Variants in COL5A2 observed in about 807,000 individuals in gnomAD.
The protein encoded by COL5A2 is collagen type V alpha 2 chain.
In COL5A2, 23 loss-of-function variants were observed where a neutral mutation model predicts 208.2. The observed-to-expected ratio is 0.11, with a 90% CI of 0.08 to 0.16. The LOEUF (loss-of-function observed/expected upper bound fraction) is 0.16. COL5A2 is among the 10% of genes least tolerant of loss of function. The pLI is 1.00. For synonymous variants in COL5A2, 625 were observed against 628.5 expected (o/e 0.99, Z 0.08); for missense variants, 1,590 against 1,956.4 (o/e 0.81, Z 3.53).
the COL5A2 span, among the ~76,000 whole-genome samples, chr2:189,422,740 C>T: frequency 1.3e-5 from 2 of 152,062 alleles, no homozygotes; most frequent in African/African-American, 4.8e-5. Flanking sequence ...AAAATTCACC[C>T]AAGGCCAGGC....
chr2:189,324,755 G>A, the COL5A2 span, among the ~76,000 whole-genome samples: 1 of 152,220 alleles, frequency 6.6e-6, no homozygotes, highest in Admixed American at 6.5e-5. Context: ...GGAAGACAGT[G>A]TGGTGATTCC....
chr2:189,264,045 A>G, the COL5A2 span, among the ~76,000 whole-genome samples: 2 of 152,304 alleles, frequency 1.3e-5, no homozygotes, highest in African/African-American at 4.8e-5. Context: ...TATAAAGAAA[A>G]TAAATTGAAA....
chr2:189,361,180 C>T, the COL5A2 span, among the ~76,000 whole-genome samples: 1 of 152,016 alleles, frequency 6.6e-6, no homozygotes, highest in Admixed American at 6.6e-5. Flanking sequence ...TCCCTCTGGA[C>T]AATCTGTCCA....
At chr2:189,163,589 C>A (rs1440759439) in intron 1 of COL5A2, among the ~76,000 whole-genome samples, 1 of 152,122 alleles carries the variant, frequency 6.6e-6, no homozygotes, top group African/African-American at 2.4e-5. Context: ...TATTTAGGGA[C>A]ATAACTACAA....
At chr2:189,151,312 G>T (rs942952734) in intron 1 of COL5A2, among the ~76,000 whole-genome samples, 1 of 152,052 alleles carries the variant, frequency 6.6e-6, no homozygotes, top group Admixed American at 6.6e-5. Context: ...ATGGCAAATG[G>T]TGTTATAGTA....
chr2:189,080,125 T>C (rs1686498921), intron 13 of COL5A2, 94 bp from the exon 14 acceptor site: 1 of 861,326 alleles, frequency 1.2e-6, no homozygotes, highest in Admixed American at 2.1e-5. Flanking sequence ...AATTGCCTTA[T>C]AAAAATGAAT....
At chr2:189,237,372 T>C in the COL5A2 span, among the ~76,000 whole-genome samples, 3 of 147,802 alleles carry the variant, frequency 2.0e-5, no homozygotes, top group African/African-American at 7.3e-5. Flanking sequence ...AATAAGGTCT[T>C]AGAAATGATA....
the COL5A2 span, among the ~76,000 whole-genome samples, chr2:189,258,481 C>T: frequency 1.3e-5 from 2 of 152,256 alleles, no homozygotes; most frequent in Non-Finnish European, 2.9e-5. Flanking sequence ...AACATCTGAT[C>T]ATTTTATTAG....
At chr2:189,337,836 A>T in the COL5A2 span, among the ~76,000 whole-genome samples, 3 of 135,378 alleles carry the variant, frequency 2.2e-5, no homozygotes, top group African/African-American at 5.4e-5. Context: ...AAAAAAAAAA[A>T]TGGTTTTGGA....
At chr2:189,390,043 C>A in the COL5A2 span, among the ~76,000 whole-genome samples, 1 of 152,058 alleles carries the variant, frequency 6.6e-6, no homozygotes, top group Non-Finnish European at 1.5e-5. Context: ...AACAAAATGA[C>A]TGAGCCCTAG....
chr2:189,382,131 C>A, the COL5A2 span, among the ~76,000 whole-genome samples: 5 of 152,076 alleles, frequency 3.3e-5, no homozygotes, highest in Non-Finnish European at 5.9e-5. Flanking sequence ...TTAAACTGTT[C>A]ATTTTAATAA....
the COL5A2 span, among the ~76,000 whole-genome samples, chr2:189,304,288 T>C: frequency 6.6e-6 from 1 of 152,220 alleles, no homozygotes; most frequent in Non-Finnish European, 1.5e-5. Context: ...CTCATTTTTT[T>C]ACCTTGTCAC....
the COL5A2 span, among the ~76,000 whole-genome samples, chr2:189,323,525 T>C: frequency 4.6e-5 from 7 of 151,914 alleles, no homozygotes; most frequent in Non-Finnish European, 7.4e-5. Flanking sequence ...TATACACCAA[T>C]AACAGACAAA....
At chr2:189,164,170 C>A (rs1052088024) in intron 1 of COL5A2, among the ~76,000 whole-genome samples, 4 of 152,044 alleles carry the variant, frequency 2.6e-5, no homozygotes, top group Non-Finnish European at 4.4e-5. Flanking sequence ...ACCTTCTGAC[C>A]CAGAGAAAAG....
Position 189,066,793 on chromosome 2 carries a change from T to A in COL5A2, c.1402-11A>T, listed in dbSNP as rs1686162204. ...AACTCCTGGATCACCCTGAAAAAAA[T>A]ATATTGATATTTGTAAGAACCAGGA... On this transcript the variant is annotated splice_polypyrimidine_tract_variant and intron_variant, in intron 21 of 53. Transcript: ENST00000374866. 6.2e-7 allele frequency: 1 copy of A among 1,608,628 alleles called. No individual in the cohort carries two copies.
At chr2:189,392,866 T>C in the COL5A2 span, among the ~76,000 whole-genome samples, 1 of 152,176 alleles carries the variant, frequency 6.6e-6, no homozygotes, top group Non-Finnish European at 1.5e-5. Flanking sequence ...GCAGACTAAG[T>C]ATCTACCCTA....
rs1686167810 is a variant in COL5A2, at chr2:189,066,929, A to ATCATT, written c.1402-148_1402-147insAATGA. The ATCATT allele has an allele frequency of 7.6e-6, 5 of 658,630 alleles. No individual in the cohort carries two copies. The Admixed American group carries it at 1.1e-4, about 14-fold the overall frequency. The allele number at this position is 658,630 out of a possible 1,614,324, so 40.8% of individuals were successfully genotyped here. ...GTATAATATAATCATTTTTAAATGA[A>ATCATT]TGCATGTGAATATGTTAATATGTGT... On this transcript the variant is annotated intron_variant, in intron 21 of 53. Transcript: ENST00000374866.
intron 8 of COL5A2, among the ~76,000 whole-genome samples, chr2:189,088,370 C>CAAAAAAA (rs1289207748): frequency 3.9e-5 from 6 of 152,214 alleles, no homozygotes; most frequent in African/African-American, 1.2e-4. Flanking sequence ...TAAAATAGTT[C>CAAAAAAA]TGCTTTTTAT....
At chr2:189,390,858 TA>T in the COL5A2 span, among the ~76,000 whole-genome samples, 1 of 152,224 alleles carries the variant, frequency 6.6e-6, no homozygotes, top group South Asian at 2.1e-4. Flanking sequence ...GAGCAATTTA[TA>T]ACACTTAATA....
Sources: allele counts gnomAD v4.1 joint callset (sites outside exome capture counted in the v4.1 genomes callset), GRCh38; gene constraint gnomAD v4.1.1; transcripts MANE v1.5; gene names NCBI Gene and HGNC (gene_info 2026-07-23, HGNC 2026-07-21).